Variants in RABL6 observed in about 807,000 individuals in gnomAD.
RABL6 encodes rab-like protein 6.
A neutral mutation model predicts 72.9 loss-of-function variants in RABL6; 28 were observed. That is an observed-to-expected ratio of 0.38 (90% confidence interval 0.28 to 0.53). The LOEUF (loss-of-function observed/expected upper bound fraction) is 0.53. RABL6 is among the 20% of genes least tolerant of loss of function. The probability of loss-of-function intolerance (pLI) is 0.80; values close to 1 mark genes in which losing one functional copy is unlikely to be tolerated. For missense variants in RABL6, 1,029 were observed against 1,008.4 expected (o/e 1.02, Z -0.28); for synonymous variants, 477 against 421.2 (o/e 1.13, Z -1.62).
At chr9:136,830,532 G>T (rs985111629) in intron 5 of RABL6, among the ~76,000 whole-genome samples, 3 of 152,270 alleles carry the variant, frequency 2.0e-5, no homozygotes, top group African/African-American at 7.2e-5. Context: ...GGGCGCACAC[G>T]CTGGCCTCAC....
intron 7 of RABL6, chr9:136,833,146 G>A (rs1448370840): frequency 4.4e-6 from 1 of 224,808 alleles, no homozygotes; most frequent in Non-Finnish European, 8.4e-6. Flanking sequence ...GCCTGGGTCT[G>A]GGGACCTGAA....
At chr9:136,823,682 T>C in intron 2 of RABL6, 23 bp downstream of exon 2, 2 of 1,589,838 alleles carry the variant, frequency 1.3e-6, no homozygotes, top group East Asian at 2.3e-5. Flanking sequence ...GGTGCCCCAG[T>C]GGGTTCGGGC....
chr9:136,813,931 T>C, intron 1 of RABL6: 1 of 361,514 alleles, frequency 2.8e-6, no homozygotes, highest in South Asian at 2.3e-5. Flanking sequence ...CCAAAACACT[T>C]GTAATTCATC....
intron 4 of RABL6, among the ~76,000 whole-genome samples, chr9:136,829,097 A>G (rs531834899): frequency 2.6e-5 from 4 of 151,966 alleles, no homozygotes; most frequent in Admixed American, 2.6e-4. Context: ...ACCCACTTCT[A>G]TTTTCGAGTG....
intron 2 of RABL6, among the ~76,000 whole-genome samples, 177 bp downstream of exon 2, chr9:136,823,836 C>G (rs1218518691): frequency 6.6e-6 from 1 of 152,240 alleles, no homozygotes; most frequent in Non-Finnish European, 1.5e-5. Flanking sequence ...GTGGATCACC[C>G]TGCTGCCTGA....
chr9:136,829,104 A>C (rs932257281), intron 4 of RABL6, among the ~76,000 whole-genome samples: 2 of 151,842 alleles, frequency 1.3e-5, no homozygotes, highest in African/African-American at 2.4e-5. Flanking sequence ...TCTATTTTCG[A>C]GTGGTGGTTT....
intron 1 of RABL6, among the ~76,000 whole-genome samples, chr9:136,820,551 A>G (rs1429535089): frequency 6.6e-6 from 1 of 152,068 alleles, no homozygotes; most frequent in African/African-American, 2.4e-5. Flanking sequence ...TTGTATTTTT[A>G]GTAGATACGG....
chr9:136,808,946 A>C (rs1385693345), intron 1 of RABL6: 1 of 152,144 alleles, frequency 6.6e-6, no homozygotes, highest in African/African-American at 2.4e-5. Context: ...AGGAAGGAGG[A>C]GTCATTTACG....
In RABL6 at chr9:136,828,928, C is replaced by T. The variant is rs118039171; in HGVS notation, c.366+382C>T. 8.6e-3 allele frequency among the ~76,000 whole-genome samples: 1,312 copies of T among 152,302 alleles called. 36 individuals are homozygous for T. In the East Asian group the frequency reaches 0.096, roughly 11 times the overall value. On this transcript the variant is annotated intron_variant, in intron 4 of 14. Coordinates refer to ENST00000311502, the MANE Select transcript of RABL6 (RefSeq NM_024718.5). ...CACCTGGGGCCAACCCAACCTGAGC[C>T]CGACACACCCAGGGCCTCGCACTCT...
At chr9:136,821,962 A>G in intron 1 of RABL6, 3 of 1,289,420 alleles carry the variant, frequency 2.3e-6, no homozygotes, top group Non-Finnish European at 3.0e-6. Flanking sequence ...GCGCCGAGAT[A>G]TGACCAGAGG....
chr9:136,839,271 ACCGCAGCACC>A lies in RABL6; in HGVS notation c.1546_1555del (p.Ala516ProfsTer80). 1 of 1,608,440 alleles carries A rather than the reference ACCGCAGCACC, an allele frequency of 6.2e-7. No homozygotes were observed. The highest frequency in any genetic ancestry group is 8.5e-7 in the Non-Finnish European group (1 of 1,178,012). Reference sequence around the variant, plus strand: ...ACGGAGGGGGACAGCTCCCACGAGGACCGCAGCACCCCCCTGGCCAGGCGGTGTCTCTGTT... The same window carrying A: ...ACGGAGGGGGACAGCTCCCACGAGGACCCCTGGCCAGGCGGTGTCTCTGTT... On this transcript the variant is annotated frameshift_variant, in exon 12 of 15. Coordinates refer to ENST00000311502, the MANE Select transcript of RABL6 (RefSeq NM_024718.5). LOFTEE classifies it high-confidence loss of function.
At chr9:136,832,054 CTG>C in intron 6 of RABL6, 193 bp downstream of exon 6, 2 of 1,004,258 alleles carry the variant, frequency 2.0e-6, no homozygotes, top group Non-Finnish European at 2.8e-6. Flanking sequence ...TGCTGGGGAA[CTG>C]TGTGCCAGGG....
chr9:136,833,813 C>G (rs767392980), intron 7 of RABL6: 2 of 1,550,492 alleles, frequency 1.3e-6, no homozygotes, highest in African/African-American at 2.7e-5. Context: ...CTGCTGGGGA[C>G]GTTTGGGTTG....
chr9:136,823,222 G>A (rs1401624097), intron 1 of RABL6, among the ~76,000 whole-genome samples: 1 of 152,126 alleles, frequency 6.6e-6, no homozygotes, highest in African/African-American at 2.4e-5. Context: ...CCAGGGGTGG[G>A]CTCTAGGGCA....
At chr9:136,832,453 T>A in intron 7 of RABL6, 83 bp downstream of exon 7, 1 of 1,128,186 alleles carries the variant, frequency 8.9e-7, no homozygotes, top group Non-Finnish European at 1.3e-6. Flanking sequence ...CGGGTCTCCC[T>A]CCTAACCCCT....
In RABL6 at chr9:136,840,307, C is replaced by T; in HGVS notation, c.1990-15C>T. 2 of 1,600,486 alleles carry T rather than the reference C, an allele frequency of 1.2e-6. No individual in the cohort carries two copies. The highest frequency in any genetic ancestry group is 1.1e-5 in the South Asian group (1 of 89,996). On this transcript the variant is annotated splice_polypyrimidine_tract_variant and intron_variant, in intron 14 of 14. Coordinates refer to ENST00000311502, the MANE Select transcript of RABL6 (RefSeq NM_024718.5). ...TTCCTGTGACTCCATGGCGCCCCAT[C>T]CTTGTGCTCCTCAGGAAGAAGAAAA... is the stretch of plus-strand genomic sequence containing the variant.
intron 3 of RABL6, chr9:136,827,124 G>C (rs528258066): frequency 6.6e-6 from 1 of 152,388 alleles, no homozygotes; most frequent in East Asian, 1.9e-4. Flanking sequence ...CACCCACCGG[G>C]AGAGTCTCAC....
At chr9:136,817,691 A>G (rs1214452188) in intron 1 of RABL6, among the ~76,000 whole-genome samples, 2 of 152,186 alleles carry the variant, frequency 1.3e-5, no homozygotes, top group African/African-American at 4.8e-5. Flanking sequence ...TCACTGTGCA[A>G]AGGCTCTTTT....
In RABL6 at chr9:136,841,067, G is replaced by A; in HGVS notation, c.*545G>A. 5 of 1,413,552 alleles carry A rather than the reference G, an allele frequency of 3.5e-6. No homozygotes were observed. Among genetic ancestry groups the A allele is most frequent in the Non-Finnish European group, 4.6e-6 (5 of 1,085,246 alleles). 87.6% of individuals were successfully genotyped at this position (1,413,552 alleles called of 1,614,324 possible). On this transcript the variant is annotated 3_prime_UTR_variant, in exon 15 of 15. Transcript: ENST00000311502. ...ATGTGAGGCCTCTCCTGGGAGTGGG[G>A]GTTGTGTTTCCCACAGTGGCCTCAG...
Sources: allele counts gnomAD v4.1 joint callset (sites outside exome capture counted in the v4.1 genomes callset), GRCh38; gene constraint gnomAD v4.1.1; transcripts MANE v1.5; gene names NCBI Gene and HGNC (gene_info 2026-07-23, HGNC 2026-07-21).